Variants in MAMDC2 observed in about 807,000 individuals in gnomAD.
The protein encoded by MAMDC2 is MAM domain containing 2.
A neutral mutation model predicts 89.8 loss-of-function variants in MAMDC2; 57 were observed. That is an observed-to-expected ratio of 0.63 (90% CI 0.51 to 0.79). The LOEUF (loss-of-function observed/expected upper bound fraction) is 0.79, where lower values mean the gene tolerates loss of function less well. Ranked by LOEUF, MAMDC2 falls within the 30% of genes least tolerant of loss-of-function variation. The pLI is 0.00. For missense variants in MAMDC2, 800 were observed against 820.6 expected (o/e 0.97, Z 0.31); for synonymous variants, 313 against 293.4 (o/e 1.07, Z -0.68).
intron 9 of MAMDC2, chr9:70,148,075 A>G (rs900062579): frequency 6.7e-6 from 1 of 150,226 alleles, no homozygotes; most frequent in Non-Finnish European, 1.5e-5. Flanking sequence ...TTGGCTTCCT[A>G]TTGCTTTTAG....
chr9:70,079,790 C>A (rs1312591034), intron 2 of MAMDC2, among the ~76,000 whole-genome samples: 1 of 152,188 alleles, frequency 6.6e-6, no homozygotes, highest in East Asian at 1.9e-4. Context: ...GCTCACTGTG[C>A]AACCTTGCAG....
intron 9 of MAMDC2, among the ~76,000 whole-genome samples, chr9:70,166,158 T>G (rs774173113): frequency 6.6e-6 from 1 of 151,838 alleles, no homozygotes; most frequent in Non-Finnish European, 1.5e-5. Context: ...GGAGAATTGC[T>G]TGAATCCAGG....
At chr9:70,077,548 T>C (rs1373209147) in intron 2 of MAMDC2, among the ~76,000 whole-genome samples, 2 of 152,344 alleles carry the variant, frequency 1.3e-5, no homozygotes, top group Non-Finnish European at 2.9e-5. Context: ...AATAGCCACA[T>C]TTAAATGGCT....
chr9:70,054,724 G>A (rs3015237), intron 2 of MAMDC2, among the ~76,000 whole-genome samples: 25,753 of 152,018 alleles, frequency 0.17, 2,237 homozygotes, highest in African/African-American at 0.19. Context: ...CCACTTTGAT[G>A]ATTCAGAAAC....
rs148529086 is a variant in MAMDC2 at position 70,197,950 on chromosome 9, T to C, written c.1652-20387T>C. 3.4e-4 allele frequency among the ~76,000 whole-genome samples: 52 copies of C among 152,208 alleles called. 1 individual carries two copies. Among genetic ancestry groups the C allele is most frequent in the African/African-American group, 1.2e-3 (49 of 41,550 alleles). ...TTTATCTCATCACGAATGCATTTTA[T>C]TATCTCACGTCAGCACAAGAATAGT... On this transcript the variant is annotated intron_variant, in intron 11 of 13. Coordinates refer to ENST00000377182, the MANE Select transcript of MAMDC2 (RefSeq NM_153267.5).
At chr9:70,091,507 G>A (rs2118177947) in intron 2 of MAMDC2, among the ~76,000 whole-genome samples, 1 of 152,296 alleles carries the variant, frequency 6.6e-6, no homozygotes, top group Admixed American at 6.5e-5. Flanking sequence ...TGTTACATTT[G>A]AATTTCAAAT....
At chr9:70,112,143 G>A (rs931137622) in intron 4 of MAMDC2, among the ~76,000 whole-genome samples, 1 of 152,190 alleles carries the variant, frequency 6.6e-6, no homozygotes, top group South Asian at 2.1e-4. Context: ...GAAGAGCAAC[G>A]TGGATCCGCA....
chr9:70,100,925 G>A (rs1281052991), intron 2 of MAMDC2, among the ~76,000 whole-genome samples: 4 of 152,210 alleles, frequency 2.6e-5, no homozygotes, highest in African/African-American at 9.6e-5. Flanking sequence ...TGCCTTTGAT[G>A]ATGAGAACAG....
intron 12 of MAMDC2, among the ~76,000 whole-genome samples, chr9:70,224,351 T>C (rs1927100): frequency 0.85 from 128,440 of 151,998 alleles, 54,642 homozygotes; most frequent in East Asian, 0.96. Context: ...AGCAAAGGTT[T>C]CCATTGCTAT....
At chr9:70,179,223 T>C (rs749106967) in intron 11 of MAMDC2, among the ~76,000 whole-genome samples, 18 of 152,014 alleles carry the variant, frequency 1.2e-4, no homozygotes, top group Middle Eastern at 3.4e-3. Context: ...AATACTAAAA[T>C]GAGGTGGGGC....
intron 2 of MAMDC2, among the ~76,000 whole-genome samples, chr9:70,098,272 C>T (rs975464859): frequency 6.6e-6 from 1 of 152,212 alleles, no homozygotes; most frequent in Non-Finnish European, 1.5e-5. Flanking sequence ...GCCCCACTTA[C>T]CACCCTTTGG....
At chr9:70,208,651 C>A (rs1488016024) in intron 11 of MAMDC2, among the ~76,000 whole-genome samples, 2 of 152,152 alleles carry the variant, frequency 1.3e-5, no homozygotes, top group Non-Finnish European at 2.9e-5. Flanking sequence ...ACTGCCCTGG[C>A]CAGAACTTCC....
intron 7 of MAMDC2, among the ~76,000 whole-genome samples, chr9:70,138,745 G>A (rs2031092225): frequency 6.6e-6 from 1 of 152,114 alleles, no homozygotes; most frequent in East Asian, 1.9e-4. Context: ...CATCTGGGGT[G>A]AGGTATTTAT....
intron 11 of MAMDC2, among the ~76,000 whole-genome samples, chr9:70,214,337 A>G (rs1233920190): frequency 6.6e-6 from 1 of 152,180 alleles, no homozygotes; most frequent in Non-Finnish European, 1.5e-5. Flanking sequence ...TATCTAGAGG[A>G]AGAACCAGAC....
At chr9:70,052,603 C>A (rs962925407) in intron 2 of MAMDC2, among the ~76,000 whole-genome samples, 1 of 152,198 alleles carries the variant, frequency 6.6e-6, no homozygotes, top group Non-Finnish European at 1.5e-5. Context: ...CACCCTGTCA[C>A]CTCATCAGAC....
At chr9:70,212,429 G>A (rs139060873) in intron 11 of MAMDC2, among the ~76,000 whole-genome samples, 4 of 152,250 alleles carry the variant, frequency 2.6e-5, no homozygotes, top group African/African-American at 9.6e-5. Flanking sequence ...CTCTGAGCCA[G>A]GCACGGGATA....
chr9:70,166,441 A>G (rs2032182309), intron 9 of MAMDC2, among the ~76,000 whole-genome samples: 1 of 151,934 alleles, frequency 6.6e-6, no homozygotes, highest in South Asian at 2.1e-4. Context: ...AATTTGGTAA[A>G]CTTTCCAGTC....
chr9:70,156,157 C>T (rs191603779), intron 9 of MAMDC2, among the ~76,000 whole-genome samples: 44 of 152,204 alleles, frequency 2.9e-4, no homozygotes, highest in Middle Eastern at 6.8e-3. Context: ...TTCTCTACTC[C>T]TTCATTTTCT....
chr9:70,187,132 T>C (rs542233439), intron 11 of MAMDC2, among the ~76,000 whole-genome samples: 1 of 152,252 alleles, frequency 6.6e-6, no homozygotes, highest in South Asian at 2.1e-4. Context: ...GATCTTTCAA[T>C]AGTTTTCAAA....
Sources: allele counts gnomAD v4.1 joint callset (sites outside exome capture counted in the v4.1 genomes callset), GRCh38; gene constraint gnomAD v4.1.1; transcripts MANE v1.5; gene names NCBI Gene and HGNC (gene_info 2026-07-23, HGNC 2026-07-21).